The following ATG5 variants were observed in gnomAD, a reference collection of about 807,000 sequenced individuals.
The protein encoded by ATG5 is autophagy related 5, also known as autophagy protein 5.
A neutral mutation model predicts 36.5 loss-of-function variants in ATG5; 14 were observed. The observed-to-expected ratio is 0.38, with a 90% confidence interval of 0.25 to 0.60. The LOEUF (loss-of-function observed/expected upper bound fraction) is 0.60. ATG5 is among the 20% of genes least tolerant of loss of function. ATG5 has a pLI of 0.60. For missense variants in ATG5, 195 were observed against 326.7 expected, an observed-to-expected ratio of 0.60 and a Z score of 3.11; for synonymous variants, 95 against 101.5, an observed-to-expected ratio of 0.94 and a Z score of 0.38.
At position 106,193,974 on chromosome 6, in the gene ATG5, T is replaced by C. The variant is rs556069685; in HGVS notation, c.692-7298A>G. 2.0e-5 allele frequency among the ~76,000 whole-genome samples: 3 copies of C among 152,328 alleles called. No homozygotes were observed. The South Asian group carries it at 6.2e-4, about 32-fold the overall frequency. ...GTTTCTCATTTTGGGAACAGTCAGG[T>C]TAATTCATTTAACTTCTTGAGATTA... On this transcript the variant is annotated intron_variant, in intron 7 of 7. Transcript: ENST00000369076.
chr6:106,322,964 G>GGCTGGAGT (rs749564325), intron 1 of ATG5, among the ~76,000 whole-genome samples: 33 of 152,122 alleles, frequency 2.2e-4, no homozygotes, highest in Non-Finnish European at 4.9e-4. Context: ...CTGTCGCCCA[G>GGCTGGAGT]GCTGGAGTGC....
intron 6 of ATG5, among the ~76,000 whole-genome samples, chr6:106,228,711 T>G (rs1777544434): frequency 6.6e-6 from 1 of 152,088 alleles, no homozygotes; most frequent in South Asian, 2.1e-4. Flanking sequence ...TTGGACCACT[T>G]TTGCTTGCTA....
chr6:106,208,369 C>A (rs1253782900), intron 6 of ATG5, among the ~76,000 whole-genome samples: 1 of 152,066 alleles, frequency 6.6e-6, no homozygotes, highest in Non-Finnish European at 1.5e-5. Flanking sequence ...TTAAAACATA[C>A]CATCACCAGG....
chr6:106,302,537 T>G (rs527279626), intron 3 of ATG5, among the ~76,000 whole-genome samples: 5 of 152,012 alleles, frequency 3.3e-5, no homozygotes, highest in African/African-American at 1.2e-4. Flanking sequence ...AAACAATCCA[T>G]GTGAGAAATC....
chr6:106,240,239 T>C (rs1030021523), intron 6 of ATG5, among the ~76,000 whole-genome samples: 7 of 151,168 alleles, frequency 4.6e-5, no homozygotes, highest in African/African-American at 1.7e-4. Flanking sequence ...ATTTTTTATA[T>C]AGATATCATA....
intron 6 of ATG5, among the ~76,000 whole-genome samples, chr6:106,230,998 C>G (rs183830199): frequency 8.0e-4 from 121 of 152,036 alleles, no homozygotes; most frequent in Non-Finnish European, 1.4e-3. Flanking sequence ...ACCCCAGCAT[C>G]CCCCAGACTC....
intron 6 of ATG5, among the ~76,000 whole-genome samples, chr6:106,229,418 G>C (rs933905286): frequency 3.3e-5 from 5 of 151,864 alleles, no homozygotes; most frequent in East Asian, 1.9e-4. Flanking sequence ...CAGAGACAGA[G>C]AGAGAGAGAG....
intron 3 of ATG5, among the ~76,000 whole-genome samples, chr6:106,294,551 C>T (rs532783994): frequency 2.6e-5 from 4 of 151,996 alleles, no homozygotes; most frequent in Non-Finnish European, 5.9e-5. Flanking sequence ...GGTACTGTAA[C>T]TCAAGCCTGT....
In ATG5 at chr6:106,272,924, A is replaced by G. The variant is rs543015196; in HGVS notation, c.478+6737T>C. Among the ~76,000 whole-genome samples, 22 of 152,342 alleles carry G rather than the reference A, an allele frequency of 1.4e-4. No individual in the cohort carries two copies. The South Asian group carries it at 4.1e-3, about 29-fold the overall frequency. On this transcript the variant is annotated intron_variant, in intron 5 of 7. Coordinates refer to ENST00000369076, the MANE Select transcript of ATG5 (RefSeq NM_004849.4). ...AAAATTTCCAAAAACTCACACAGAC[A>G]AGGAATGAAAAATAATAGATGAAAC...
At chr6:106,303,022 A>G (rs537016431) in intron 3 of ATG5, among the ~76,000 whole-genome samples, 11 of 152,140 alleles carry the variant, frequency 7.2e-5, no homozygotes, top group Admixed American at 2.0e-4. Flanking sequence ...TTAAGGTAAG[A>G]GCTCAAAAAA....
At chr6:106,272,957 G>A (rs999204581) in intron 5 of ATG5, among the ~76,000 whole-genome samples, 2 of 152,138 alleles carry the variant, frequency 1.3e-5, no homozygotes, top group South Asian at 2.1e-4. Flanking sequence ...AACAAGGCTG[G>A]CCATATACTG....
At chr6:106,258,574 C>A (rs757757815) in intron 5 of ATG5, among the ~76,000 whole-genome samples, 82 of 152,134 alleles carry the variant, frequency 5.4e-4, no homozygotes, top group Non-Finnish European at 1.1e-3. Context: ...TGATATAGCT[C>A]TCCTCATTGT....
intron 7 of ATG5, among the ~76,000 whole-genome samples, chr6:106,189,335 T>C (rs1378421239): frequency 6.6e-6 from 1 of 152,164 alleles, no homozygotes; most frequent in Non-Finnish European, 1.5e-5. Context: ...CCAGGTGTGG[T>C]GGCTCATGTC....
In ATG5 at chr6:106,202,134, T is replaced by C. The variant is rs1413148369; in HGVS notation, c.574-45A>G. 6 of 1,472,332 alleles carry C rather than the reference T, an allele frequency of 4.1e-6. No homozygotes were observed. In the East Asian group the frequency reaches 1.4e-4, roughly 33 times the overall value. 91.2% of individuals were successfully genotyped at this position (1,472,332 alleles called of 1,614,324 possible). On this transcript the variant is annotated intron_variant, in intron 6 of 7. Coordinates refer to ENST00000369076, the MANE Select transcript of ATG5 (RefSeq NM_004849.4). ...ATGATTCAAGCAATTAAGTCTTTGT[T>C]GCTGCCAATTACAAATTTATATATC...
At chr6:106,253,287 G>A (rs1036255316) in intron 5 of ATG5, among the ~76,000 whole-genome samples, 2 of 152,178 alleles carry the variant, frequency 1.3e-5, no homozygotes, top group Non-Finnish European at 2.9e-5. Context: ...GAACACAGAA[G>A]TAGGTGGGCC....
intron 4 of ATG5, among the ~76,000 whole-genome samples, chr6:106,286,849 A>C (rs1458707827): frequency 1.3e-5 from 2 of 152,186 alleles, no homozygotes; most frequent in African/African-American, 4.8e-5. Context: ...TAGGATATGA[A>C]TTCTGCCAGC....
chr6:106,296,686 C>T (rs1238802954), intron 3 of ATG5, among the ~76,000 whole-genome samples: 1 of 152,122 alleles, frequency 6.6e-6, no homozygotes, highest in Non-Finnish European at 1.5e-5. Flanking sequence ...GGCGTGGTCG[C>T]ATGTGTCTGT....
chr6:106,242,310 TATAG>T (rs925076141), intron 6 of ATG5, among the ~76,000 whole-genome samples: 1 of 151,918 alleles, frequency 6.6e-6, no homozygotes, highest in African/African-American at 2.4e-5. Flanking sequence ...CATAATACAA[TATAG>T]ATAAACAATG....
chr6:106,307,959 T>G (rs1049734684), intron 3 of ATG5, among the ~76,000 whole-genome samples: 3 of 152,176 alleles, frequency 2.0e-5, no homozygotes, highest in African/African-American at 7.2e-5. Flanking sequence ...GTCAACTAAA[T>G]ATGGCAATCA....
Sources: allele counts gnomAD v4.1 joint callset (sites outside exome capture counted in the v4.1 genomes callset), GRCh38; gene constraint gnomAD v4.1.1; transcripts MANE v1.5; gene names NCBI Gene and HGNC (gene_info 2026-07-23, HGNC 2026-07-21).